MAMLD1: variants seen among roughly 807,000 people sequenced by gnomAD.
MAMLD1 encodes the protein mastermind-like domain-containing protein 1.
MAMLD1 carries 14 observed loss-of-function variants against 45.0 expected under a neutral mutation model. That is an observed-to-expected ratio of 0.31 (90% CI 0.21 to 0.49). The LOEUF is 0.49. MAMLD1 is among the 20% of genes least tolerant of loss of function. MAMLD1 has a pLI of 0.99. For synonymous variants in MAMLD1, 254 were observed against 247.8 expected (o/e 1.02, Z -0.24); for missense variants, 543 against 603.6 (o/e 0.90, Z 1.05).
chrX:150,432,368 T>A (rs782536612), intron 1 of MAMLD1, among the ~76,000 whole-genome samples: 1 of 112,199 alleles, frequency 8.9e-6, no homozygotes, highest in Non-Finnish European at 1.9e-5. Flanking sequence ...TCGTAGGTTA[T>A]CTGTTCACAC....
In MAMLD1 at chrX:150,365,986, C is replaced by T. The variant is rs1052667677; in HGVS notation, c.-64+2456C>T. 4.4e-5 allele frequency among the ~76,000 whole-genome samples: 5 copies of T among 112,549 alleles called. No homozygotes were observed. The East Asian group carries it at 1.1e-3, about 25-fold the overall frequency. On this transcript the variant is annotated intron_variant, in intron 1 of 7. Transcript: ENST00000370401. ...ATGTCAAATATAATGTTAGAAGTAA[C>T]CTTTCGCCATTCTGTTGGCCTGCTC...
intron 6 of MAMLD1, among the ~76,000 whole-genome samples, chrX:150,508,503 C>A (rs999913772): frequency 6.3e-5 from 7 of 111,986 alleles, no homozygotes; most frequent in Admixed American, 4.7e-4. Flanking sequence ...AGGCTAAGGG[C>A]GGGATAGAAA....
At position 150,454,377 on chromosome X, in the gene MAMLD1, G is replaced by A. The variant is rs2035771686; in HGVS notation, c.97-8395G>A. On this transcript the variant is annotated intron_variant, in intron 2 of 7. Coordinates refer to ENST00000370401, the MANE Select transcript of MAMLD1 (RefSeq NM_005491.5). Reference sequence around the variant, plus strand: ...GCTAAGTGTACAGTATCTAACTGCTGTCCATCCTTTTGTTTTTTTTAGCCA... The same window carrying A: ...GCTAAGTGTACAGTATCTAACTGCTATCCATCCTTTTGTTTTTTTTAGCCA... 2.7e-5 allele frequency among the ~76,000 whole-genome samples: 3 copies of A among 111,804 alleles called. No homozygotes were observed. In the South Asian group the frequency reaches 1.1e-3, roughly 41 times the overall value.
chrX:150,362,843 G>C (rs1338034049), upstream of MAMLD1: 1 of 112,869 alleles, frequency 8.9e-6, no homozygotes, highest in African/African-American at 3.2e-5. Flanking sequence ...GCCAGCTGAC[G>C]CCGGGGGCAC....
At chrX:150,504,790 C>A in intron 6 of MAMLD1, 6 of 753,473 alleles carry the variant, frequency 8.0e-6, no homozygotes, top group Non-Finnish European at 9.4e-6. Flanking sequence ...TTTGTGGCCC[C>A]AAATCTTCTC....
intron 1 of MAMLD1, among the ~76,000 whole-genome samples, chrX:150,416,546 A>G (rs2034252943): frequency 1.8e-5 from 2 of 111,739 alleles, no homozygotes; most frequent in South Asian, 7.5e-4. Context: ...ATAAAATTGC[A>G]TTTGTCTTTA....
At chrX:150,422,722 T>C (rs188598603) in intron 1 of MAMLD1, among the ~76,000 whole-genome samples, 1 of 112,242 alleles carries the variant, frequency 8.9e-6, no homozygotes, top group African/African-American at 3.2e-5. Flanking sequence ...TAGCCTGGAC[T>C]TTATAATCTC....
At chrX:150,451,014 C>A (rs2035646796) in intron 2 of MAMLD1, among the ~76,000 whole-genome samples, 1 of 112,792 alleles carries the variant, frequency 8.9e-6, no homozygotes, top group Admixed American at 9.3e-5. Flanking sequence ...TCACACAGAC[C>A]TTTTTTTGCA....
In MAMLD1 at chrX:150,471,041, C is replaced by T. The variant is rs1557406461; in HGVS notation, c.1468C>T (p.Leu490=). 17 of 1,212,015 alleles carry T rather than the reference C, an allele frequency of 1.4e-5. No individual in the cohort carries two copies. Among genetic ancestry groups the T allele is most frequent in the Non-Finnish European group, 1.9e-5 (17 of 895,629 alleles). ...IRSLTPTSNL[L]SQQQQQQQQQ... Reference sequence around the variant, plus strand: ...AAGCCTCACTCCCACCAGTAATCTTCTAAGCCAGCAACAGCAGCAGCAGCA... The same window carrying T: ...AAGCCTCACTCCCACCAGTAATCTTTTAAGCCAGCAACAGCAGCAGCAGCA... Residue 490 remains leucine, a synonymous_variant, in exon 4 of 8, where the codon CTA becomes TTA. Transcript: ENST00000370401.
chrX:150,364,900 G>A (rs1365179976), intron 1 of MAMLD1, among the ~76,000 whole-genome samples: 1 of 112,352 alleles, frequency 8.9e-6, no homozygotes, highest in Non-Finnish European at 1.9e-5. Context: ...CCCTGGTTGC[G>A]GTGAGCCGGC....
At chrX:150,427,268 A>G (rs1185193505) in intron 1 of MAMLD1, among the ~76,000 whole-genome samples, 3 of 112,364 alleles carry the variant, frequency 2.7e-5, no homozygotes, top group Non-Finnish European at 5.6e-5. Context: ...ATTAATTTGG[A>G]GGACATAATT....
chrX:150,371,078 CG>C (rs782165605), intron 1 of MAMLD1, among the ~76,000 whole-genome samples: 1 of 110,821 alleles, frequency 9.0e-6, no homozygotes, highest in Non-Finnish European at 1.9e-5. Flanking sequence ...GGAGGACCCC[CG>C]ACCCACCCAC....
At chrX:150,443,447 G>A (rs2035386157) in intron 1 of MAMLD1, among the ~76,000 whole-genome samples, 1 of 104,709 alleles carries the variant, frequency 9.6e-6, no homozygotes, top group African/African-American at 3.5e-5. Flanking sequence ...TAGGGTACAT[G>A]TGCACAATGT....
chrX:150,428,494 G>T (rs1304603833), intron 1 of MAMLD1, among the ~76,000 whole-genome samples: 7 of 112,320 alleles, frequency 6.2e-5, no homozygotes, highest in African/African-American at 1.9e-4. Flanking sequence ...TGAGGATTTG[G>T]TTTCTTTCTA....
chrX:150,508,746 T>C (rs1400627771), intron 6 of MAMLD1, among the ~76,000 whole-genome samples: 1 of 111,989 alleles, frequency 8.9e-6, no homozygotes, highest in East Asian at 2.8e-4. Context: ...GGGCAGCCCG[T>C]GTTGTAGAGG....
At chrX:150,439,746 C>A (rs960468708) in intron 1 of MAMLD1, among the ~76,000 whole-genome samples, 3 of 111,309 alleles carry the variant, frequency 2.7e-5, no homozygotes, top group Non-Finnish European at 3.8e-5. Context: ...ACCAACCTGG[C>A]CAATGTGGCA....
intron 1 of MAMLD1, among the ~76,000 whole-genome samples, chrX:150,372,040 T>C (rs1569564348): frequency 9.0e-6 from 1 of 111,651 alleles, no homozygotes; most frequent in Non-Finnish European, 1.9e-5. Flanking sequence ...TTTGCACCCA[T>C]GTGTGGGCAG....
chrX:150,509,814 G>A, intron 6 of MAMLD1, 148 bp from the exon 7 acceptor site: 2 of 509,501 alleles, frequency 3.9e-6, no homozygotes, highest in East Asian at 7.2e-5. Context: ...GCTCGAGAGG[G>A]TGGGGCATGC....
chrX:150,384,465 GTCTT>G (rs1311651885), intron 1 of MAMLD1, among the ~76,000 whole-genome samples: 16 of 111,491 alleles, frequency 1.4e-4, no homozygotes, highest in African/African-American at 4.9e-4. Context: ...TGGATTATTT[GTCTT>G]TCTATTGTTG....
Sources: allele counts gnomAD v4.1 joint callset (sites outside exome capture counted in the v4.1 genomes callset), GRCh38; gene constraint gnomAD v4.1.1; transcripts MANE v1.5; gene names NCBI Gene and HGNC (gene_info 2026-07-23, HGNC 2026-07-21).